The following TAPT1 variants were observed in gnomAD, a reference collection of about 807,000 sequenced individuals.
The protein encoded by TAPT1 is transmembrane anterior posterior transformation 1, also known as transmembrane anterior posterior transformation protein 1 homolog.
In TAPT1, 28 loss-of-function variants were observed where a neutral mutation model predicts 65.6. The observed-to-expected ratio is 0.43, with a 90% CI of 0.32 to 0.59. The LOEUF is 0.59. Ranked by LOEUF, TAPT1 falls within the 20% of genes least tolerant of loss-of-function variation. The pLI, the probability that TAPT1 is intolerant of heterozygous loss-of-function variation, is 0.09. For synonymous variants in TAPT1, 278 were observed against 245.2 expected, an observed-to-expected ratio of 1.13 and a Z score of -1.25; for missense variants, 563 against 679.9, an observed-to-expected ratio of 0.83 and a Z score of 1.91.
chr4:16,166,511 TA>T (rs1044135282), intron 13 of TAPT1, 121 bp downstream of exon 13: 1 of 1,261,982 alleles, frequency 7.9e-7, no homozygotes, highest in Admixed American at 2.3e-5. Context: ...ACACAACCAT[TA>T]AAAGACCCAA....
At position 16,161,027 on chromosome 4, in the gene TAPT1, T is replaced by C. The variant is rs770481084; in HGVS notation, c.*2281A>G. On this transcript the variant is annotated 3_prime_UTR_variant, in exon 14 of 14. Transcript: ENST00000405303. ...CACTGTCTTGAACTTGACTCCCAGA[T>C]GTGAAAAATATTTTGTGTGACATTC... The C allele has an allele frequency of 1.3e-5, 2 of 152,644 alleles. No homozygotes were observed. The highest frequency in any genetic ancestry group is 2.9e-5 in the Non-Finnish European group (2 of 68,038). 9.5% of individuals were successfully genotyped at this position (152,644 alleles called of 1,614,324 possible). A position where few individuals can be genotyped will look rare whatever the true frequency, so the allele number is the denominator to read the frequency against.
intron 10 of TAPT1, 140 bp from the exon 11 acceptor site, chr4:16,174,412 T>C (rs1748198049): frequency 2.6e-6 from 2 of 777,170 alleles, no homozygotes; most frequent in Non-Finnish European, 4.1e-6. Flanking sequence ...TATAAAATGA[T>C]GTGGAAATCC....
intron 2 of TAPT1, among the ~76,000 whole-genome samples, chr4:16,211,217 A>G (rs1750635331): frequency 7.9e-6 from 1 of 126,768 alleles, no homozygotes; most frequent in Non-Finnish European, 1.7e-5. Flanking sequence ...ATATCATAGC[A>G]TTCATCGAAA....
chr4:16,226,933 C>T (rs1211265705), upstream of TAPT1: 1 of 392,644 alleles, frequency 2.5e-6, no homozygotes, highest in Non-Finnish European at 5.0e-6. Context: ...GCCTCTTTTG[C>T]AGACTCGGTG....
chr4:16,170,008 G>A (rs984410669), intron 12 of TAPT1, among the ~76,000 whole-genome samples: 8 of 152,150 alleles, frequency 5.3e-5, no homozygotes, highest in African/African-American at 7.2e-5. Flanking sequence ...CAGGTTTCCC[G>A]TTTCATTTTT....
intron 1 of TAPT1, among the ~76,000 whole-genome samples, chr4:16,220,551 C>G (rs1369237613): frequency 6.6e-6 from 1 of 152,000 alleles, no homozygotes. Flanking sequence ...GAGATGGAGA[C>G]CATCCTGGCC....
intron 3 of TAPT1, among the ~76,000 whole-genome samples, chr4:16,201,579 A>C (rs1051421998): frequency 5.9e-5 from 9 of 152,308 alleles, no homozygotes; most frequent in African/African-American, 2.2e-4. Flanking sequence ...ACACCGGCAT[A>C]ATTGTACAAA....
chr4:16,215,693 T>G (rs1266054628), intron 1 of TAPT1, among the ~76,000 whole-genome samples: 1 of 152,210 alleles, frequency 6.6e-6, no homozygotes, highest in African/African-American at 2.4e-5. Flanking sequence ...TGAAGTCACA[T>G]GGGTTAAGTG....
chr4:16,213,753 A>G lies in TAPT1; in HGVS notation c.330+15T>C. On this transcript the variant is annotated intron_variant, in intron 2 of 13. Transcript: ENST00000405303. ...ACTTTCAAAATGATGTCTGGTAATG[A>G]AGAAAAAATAGTACCTTTTCCAATT... is the stretch of plus-strand genomic sequence containing the variant. The G allele has an allele frequency of 6.5e-7, 1 of 1,539,614 alleles. No individual in the cohort carries two copies. The highest frequency in any genetic ancestry group is 2.3e-5 in the Admixed American group (1 of 42,816).
chr4:16,188,407 A>G lies in TAPT1; in HGVS notation c.613-52T>C, dbSNP rs566739562. ...GTTTCTTAATATTCCATTTAAATAT[A>G]TAACTAAAATTGAGATATAGCTCAA... On this transcript the variant is annotated intron_variant, in intron 4 of 13. Transcript: ENST00000405303. 194 of 1,370,292 alleles carry G rather than the reference A, an allele frequency of 1.4e-4. 1 individual carries two copies. In the South Asian group the frequency reaches 2.9e-3, roughly 21 times the overall value. The allele number at this position is 1,370,292 out of a possible 1,614,324, so 84.9% of individuals were successfully genotyped here.
At chr4:16,221,918 A>G (rs1394925617) in intron 1 of TAPT1, among the ~76,000 whole-genome samples, 1 of 152,228 alleles carries the variant, frequency 6.6e-6, no homozygotes, top group African/African-American at 2.4e-5. Flanking sequence ...TAAGTCAAAC[A>G]TTAAGTAAAG....
intron 1 of TAPT1, chr4:16,214,340 T>A (rs940903502): frequency 1.3e-5 from 2 of 152,492 alleles, no homozygotes; most frequent in Non-Finnish European, 2.9e-5. Context: ...ACATGGATAC[T>A]GGTGCCCCAG....
At chr4:16,190,071 G>C (rs1241763003) in intron 4 of TAPT1, 1 of 152,228 alleles carries the variant, frequency 6.6e-6, no homozygotes, top group East Asian at 1.9e-4. Context: ...TGTACGCGCA[G>C]CAAGCCTAGA....
At position 16,163,523 on chromosome 4, in the gene TAPT1, C is replaced by T. The variant is rs1438602541; in HGVS notation, c.1489G>A (p.Glu497Lys). ...CKPSQGLSTE[E>K]NLSASITKQP... is the part of the protein sequence containing the mutation. ...TTGGTGATGGAGGCAGACAGGTTTT[C>T]TTCTGTGGAAAGGCCTGTGATAAAA... Residue 497 changes from glutamate to lysine, a missense_variant, in exon 14 of 14, where the codon GAA (glutamate) becomes AAA (lysine). Physicochemically the swap from Glu to Lys is moderately conservative, Grantham distance 56 (BLOSUM62 1). Coordinates refer to ENST00000405303, the MANE Select transcript of TAPT1 (RefSeq NM_153365.3). The T allele has an allele frequency of 6.2e-7, 1 of 1,613,072 alleles. No individual in the cohort carries two copies. The highest frequency in any genetic ancestry group is 1.3e-5 in the African/African-American group (1 of 74,910).
chr4:16,217,150 A>G (rs1418156497), intron 1 of TAPT1, among the ~76,000 whole-genome samples: 1 of 152,158 alleles, frequency 6.6e-6, no homozygotes, highest in Non-Finnish European at 1.5e-5. Flanking sequence ...TTTCTCAGGC[A>G]GAGTCTGTCC....
intron 1 of TAPT1, among the ~76,000 whole-genome samples, chr4:16,219,745 CAG>C (rs1328980527): frequency 3.3e-5 from 5 of 152,280 alleles, no homozygotes; most frequent in South Asian, 2.1e-4. Flanking sequence ...GAGAGTTAAA[CAG>C]AGCAATTAAT....
At chr4:16,206,411 C>G (rs1166974312) in intron 2 of TAPT1, among the ~76,000 whole-genome samples, 1 of 152,174 alleles carries the variant, frequency 6.6e-6, no homozygotes, top group African/African-American at 2.4e-5. Flanking sequence ...GGAACTATTA[C>G]TTGGTATTTT....
At chr4:16,173,012 T>C (rs1340930545) in intron 11 of TAPT1, among the ~76,000 whole-genome samples, 3 of 152,038 alleles carry the variant, frequency 2.0e-5, no homozygotes, top group East Asian at 1.9e-4. Flanking sequence ...TTAGTAGAGA[T>C]GGGGTTTCAC....
intron 3 of TAPT1, among the ~76,000 whole-genome samples, chr4:16,198,985 C>T (rs1007530401): frequency 3.9e-5 from 6 of 152,140 alleles, no homozygotes; most frequent in African/African-American, 1.4e-4. Context: ...GCCTATATTA[C>T]TGTAAGCACA....
Sources: gnomAD v4.1 joint callset for allele counts (sites outside exome capture counted in the v4.1 genomes callset) on GRCh38, gnomAD v4.1.1 for gene constraint, MANE v1.5 for transcripts, NCBI Gene and HGNC (gene_info 2026-07-23, HGNC 2026-07-21) for gene names.